Variants in CCSER1 observed in about 807,000 individuals in gnomAD.
The protein encoded by CCSER1 is coiled-coil serine rich protein 1.
Under a neutral mutation model 82.0 loss-of-function variants are expected in CCSER1, and 41 were observed. The observed-to-expected ratio is 0.50, with a 90% CI of 0.39 to 0.65. The LOEUF is 0.65. Among genes scored for constraint, CCSER1 ranks in the 30% least tolerant of loss-of-function variants. The pLI is 0.00. For synonymous variants in CCSER1, 414 were observed against 383.9 expected (o/e 1.08, Z -0.92); for missense variants, 1,119 against 1,064.2 (o/e 1.05, Z -0.72).
intron 10 of CCSER1, among the ~76,000 whole-genome samples, chr4:91,488,405 C>A (rs1758337908): frequency 6.6e-6 from 1 of 152,076 alleles, no homozygotes; most frequent in African/African-American, 2.4e-5. Flanking sequence ...GAGAAACTAC[C>A]ATGTGTCAGA....
At chr4:91,167,420 G>A (rs545214652) in intron 10 of CCSER1, among the ~76,000 whole-genome samples, 5 of 152,018 alleles carry the variant, frequency 3.3e-5, no homozygotes, top group African/African-American at 9.7e-5. Context: ...TCCTGACCTA[G>A]TGATCCACCC....
chr4:91,306,826 A>G (rs2149247427), intron 10 of CCSER1, among the ~76,000 whole-genome samples: 1 of 152,156 alleles, frequency 6.6e-6, no homozygotes, highest in East Asian at 1.9e-4. Context: ...TGTTAAATCA[A>G]CTTTTACAAA....
chr4:90,750,068 T>C (rs1453873287), intron 7 of CCSER1, among the ~76,000 whole-genome samples: 1 of 152,044 alleles, frequency 6.6e-6, no homozygotes, highest in African/African-American at 2.4e-5. Flanking sequence ...TTTCATGTGT[T>C]TTTTGGCTGC....
chr4:91,321,979 T>C (rs1167408013), intron 10 of CCSER1, among the ~76,000 whole-genome samples: 1 of 152,142 alleles, frequency 6.6e-6, no homozygotes, highest in Non-Finnish European at 1.5e-5. Flanking sequence ...GAAATGTTGA[T>C]TTTTACCAAC....
intron 10 of CCSER1, among the ~76,000 whole-genome samples, chr4:91,205,881 G>T (rs1308295580): frequency 6.6e-6 from 1 of 151,798 alleles, no homozygotes; most frequent in Non-Finnish European, 1.5e-5. Context: ...AAGACGCTGT[G>T]AAAAGTACTG....
At chr4:90,518,780 T>G (rs1387229542) in intron 5 of CCSER1, among the ~76,000 whole-genome samples, 1 of 151,890 alleles carries the variant, frequency 6.6e-6, no homozygotes, top group Non-Finnish European at 1.5e-5. Flanking sequence ...TATATTTTAA[T>G]CTTATAAAGG....
intron 1 of CCSER1, among the ~76,000 whole-genome samples, chr4:90,147,363 G>GTTA (rs1726007431): frequency 6.6e-6 from 1 of 152,108 alleles, no homozygotes; most frequent in Non-Finnish European, 1.5e-5. Context: ...TGAAATAGTT[G>GTTA]TTATTTGGGT....
intron 8 of CCSER1, among the ~76,000 whole-genome samples, chr4:90,899,357 A>C (rs147557477): frequency 2.2e-3 from 342 of 152,034 alleles, no homozygotes; most frequent in Non-Finnish European, 4.0e-3. Flanking sequence ...TTTTGGAGGA[A>C]TCTTTAGGGC....
intron 8 of CCSER1, among the ~76,000 whole-genome samples, chr4:90,821,804 T>C (rs1181604902): frequency 6.6e-6 from 1 of 152,166 alleles, no homozygotes; most frequent in Admixed American, 6.5e-5. Context: ...AAGGTTATGT[T>C]GAAGAATGCC....
intron 4 of CCSER1, among the ~76,000 whole-genome samples, 167 bp downstream of exon 4, chr4:90,400,296 G>A (rs113592263): frequency 1.7e-4 from 26 of 152,000 alleles, no homozygotes; most frequent in Non-Finnish European, 3.1e-4. Flanking sequence ...ATTTGGGTGC[G>A]TTAAATGATT....
chr4:90,526,663 T>C lies in CCSER1; in HGVS notation c.1724+58309T>C, dbSNP rs550978153. ...TGTGTTAGTTCGCTGAGAATGATGG[T>C]TTCCAATTTCATCTGTGTCCCTTCA... is the stretch of plus-strand genomic sequence containing the variant. On this transcript the variant is annotated intron_variant, in intron 5 of 10. Coordinates refer to ENST00000509176, the MANE Select transcript of CCSER1 (RefSeq NM_001145065.2). Among the ~76,000 whole-genome samples the C allele has an allele frequency of 7.9e-5, 12 of 152,302 alleles. No homozygotes were observed. In the South Asian group the frequency reaches 2.5e-3, roughly 32 times the overall value.
chr4:90,953,455 A>G lies in CCSER1; in HGVS notation c.2172+30008A>G, dbSNP rs116091643. Among the ~76,000 whole-genome samples, 527 of 151,720 alleles carry G rather than the reference A, an allele frequency of 3.5e-3. 4 individuals carry two copies. Among genetic ancestry groups the G allele is most frequent in the African/African-American group, 0.012 (507 of 41,514 alleles). Reference sequence around the variant, plus strand: ...AGTAAATATTTATTGAACATTTACTATTGTCAAGGCAATTAGATAAATTAT... The same window carrying G: ...AGTAAATATTTATTGAACATTTACTGTTGTCAAGGCAATTAGATAAATTAT... On this transcript the variant is annotated intron_variant, in intron 9 of 10. Coordinates refer to ENST00000509176, the MANE Select transcript of CCSER1 (RefSeq NM_001145065.2).
intron 7 of CCSER1, among the ~76,000 whole-genome samples, chr4:90,772,470 AACTT>A (rs1197499726): frequency 6.6e-6 from 1 of 152,192 alleles, no homozygotes; most frequent in Non-Finnish European, 1.5e-5. Context: ...TGTCAGGTAT[AACTT>A]ACAGTCACTA....
intron 10 of CCSER1, among the ~76,000 whole-genome samples, chr4:91,483,645 A>G (rs543544381): frequency 8.8e-4 from 134 of 152,092 alleles, no homozygotes; most frequent in Admixed American, 1.4e-3. Flanking sequence ...CATGTTGGTC[A>G]GGCTGGTCTC....
chr4:91,103,730 G>C (rs1028234762), intron 10 of CCSER1, among the ~76,000 whole-genome samples: 1 of 152,110 alleles, frequency 6.6e-6, no homozygotes, highest in African/African-American at 2.4e-5. Flanking sequence ...TATGTTAACT[G>C]TACAAATTGA....
chr4:91,170,527 T>C (rs1319645502), intron 10 of CCSER1, among the ~76,000 whole-genome samples: 1 of 152,092 alleles, frequency 6.6e-6, no homozygotes, highest in African/African-American at 2.4e-5. Context: ...GGGTGTGAAA[T>C]TTTCTTGAGG....
intron 8 of CCSER1, among the ~76,000 whole-genome samples, chr4:90,877,426 C>A (rs1767351256): frequency 6.6e-6 from 1 of 152,014 alleles, no homozygotes; most frequent in South Asian, 2.1e-4. Context: ...AAGAATATGG[C>A]ATTTACAGTA....
At chr4:91,565,410 A>C (rs1046590741) in intron 10 of CCSER1, among the ~76,000 whole-genome samples, 3 of 151,996 alleles carry the variant, frequency 2.0e-5, no homozygotes, top group African/African-American at 7.2e-5. Context: ...TATGAAATTA[A>C]AATTATTTTT....
chr4:90,529,361 C>G (rs1578983041), intron 5 of CCSER1, among the ~76,000 whole-genome samples: 1 of 152,096 alleles, frequency 6.6e-6, no homozygotes, highest in Non-Finnish European at 1.5e-5. Flanking sequence ...TCTTGAGTAG[C>G]TGCGACTACA....
Sources: gnomAD v4.1 joint callset for allele counts (sites outside exome capture counted in the v4.1 genomes callset) on GRCh38, gnomAD v4.1.1 for gene constraint, MANE v1.5 for transcripts, NCBI Gene and HGNC (gene_info 2026-07-23, HGNC 2026-07-21) for gene names.